The following RBFOX1 variants were observed in gnomAD, a reference collection of about 807,000 sequenced individuals.
RBFOX1 encodes RNA binding protein fox-1 homolog 1.
A neutral mutation model predicts 57.7 loss-of-function variants in RBFOX1; 8 were observed. The observed-to-expected ratio is 0.14, with a 90% CI of 0.08 to 0.25. RBFOX1 has a LOEUF of 0.25. Ranked by LOEUF, RBFOX1 falls within the 10% of genes least tolerant of loss-of-function variation. The pLI, the probability that RBFOX1 is intolerant of heterozygous loss-of-function variation, is 1.00. For missense variants in RBFOX1, 611 were observed against 548.5 expected (o/e 1.11, Z -1.14); for synonymous variants, 326 against 222.4 (o/e 1.47, Z -4.15).
In RBFOX1 at chr16:6,783,746, C is replaced by G. The variant is rs76790730; in HGVS notation, c.-16+129096C>G. On this transcript the variant is annotated intron_variant, in intron 3 of 15. Coordinates refer to ENST00000550418, the MANE Select transcript of RBFOX1 (RefSeq NM_018723.4). ...TTGCTTTTACCAAGGAGCTTTAGAC[C>G]TTCAGGTAATTTCTTGCTGCACATT... Among the ~76,000 whole-genome samples the G allele has an allele frequency of 9.1e-3, 1,378 of 152,118 alleles. 26 individuals carry two copies. The highest frequency in any genetic ancestry group is 0.031 in the African/African-American group (1,297 of 41,500).
intron 4 of RBFOX1, among the ~76,000 whole-genome samples, chr16:5,868,137 T>C (rs965734943): frequency 1.3e-5 from 2 of 152,106 alleles, no homozygotes; most frequent in Non-Finnish European, 2.9e-5. Flanking sequence ...CCATTGGAAA[T>C]TGTCCATGTT....
rs551833453 is a variant in RBFOX1, at chr16:5,404,342, G to C, written c.220-62874G>C. ...CCTTCTGGGAGCATTGAACCTTATC[G>C]AATTAGCAGGAGTCCCTCCAAATGA... is the stretch of plus-strand genomic sequence containing the variant. On this transcript the variant is annotated intron_variant, in intron 1 of 2. Transcript: ENST00000585867. Among the ~76,000 whole-genome samples, 6 of 152,196 alleles carry C rather than the reference G, an allele frequency of 3.9e-5. No individual in the cohort carries two copies. In the South Asian group the frequency reaches 1.3e-3, roughly 32 times the overall value.
At chr16:7,310,129 C>A (rs866274291) in intron 4 of RBFOX1, among the ~76,000 whole-genome samples, 81 of 152,162 alleles carry the variant, frequency 5.3e-4, no homozygotes, top group African/African-American at 1.9e-3. Flanking sequence ...GAGCCCTGGC[C>A]CTGGCCCTTT....
chr16:6,142,638 G>C (rs1046063978), intron 1 of RBFOX1, among the ~76,000 whole-genome samples: 2 of 151,828 alleles, frequency 1.3e-5, no homozygotes, highest in Admixed American at 1.3e-4. Context: ...GCCAGAAACA[G>C]AGTGAGTACT....
At chr16:5,582,808 G>T (rs781343524) in intron 2 of RBFOX1, among the ~76,000 whole-genome samples, 2 of 152,092 alleles carry the variant, frequency 1.3e-5, no homozygotes, top group African/African-American at 2.4e-5. Context: ...TATCAGTTCA[G>T]CCCCAAGTGC....
At chr16:6,940,115 C>A (rs992332112) in intron 3 of RBFOX1, among the ~76,000 whole-genome samples, 10 of 152,072 alleles carry the variant, frequency 6.6e-5, no homozygotes, top group African/African-American at 2.2e-4. Flanking sequence ...TCACTTGAAC[C>A]CAGGAGGCGG....
chr16:5,932,759 C>T (rs986815506), intron 4 of RBFOX1, among the ~76,000 whole-genome samples: 3 of 152,124 alleles, frequency 2.0e-5, no homozygotes, highest in Admixed American at 1.3e-4. Flanking sequence ...TCTCTATAAA[C>T]GTGGGATGCT....
At chr16:5,339,470 G>GTTTTTTTTTT (rs560472298) in intron 1 of RBFOX1, among the ~76,000 whole-genome samples, 991 of 40,876 alleles carry the variant, frequency 0.024, 322 homozygotes, top group Middle Eastern at 0.12. Flanking sequence ...CTTTTTCCGT[G>GTTTTTTTTTT]TTTTTTTTTT....
intron 4 of RBFOX1, among the ~76,000 whole-genome samples, chr16:6,000,676 G>C (rs1487425073): frequency 6.6e-6 from 1 of 151,794 alleles, no homozygotes; most frequent in Non-Finnish European, 1.5e-5. Context: ...TAGATGAATG[G>C]GTGACTAGGT....
intron 4 of RBFOX1, among the ~76,000 whole-genome samples, chr16:7,364,580 A>C (rs2146897061): frequency 6.6e-6 from 1 of 150,850 alleles, no homozygotes; most frequent in African/African-American, 2.5e-5. Flanking sequence ...AAGACCAAAA[A>C]AAAAAAAAAC....
intron 3 of RBFOX1, among the ~76,000 whole-genome samples, chr16:5,867,024 C>A (rs1269608609): frequency 6.6e-6 from 1 of 152,136 alleles, no homozygotes; most frequent in African/African-American, 2.4e-5. Context: ...TTGCTCACAG[C>A]CCTCCCCACT....
At chr16:5,657,086 A>T (rs1207264226) in intron 3 of RBFOX1, among the ~76,000 whole-genome samples, 1 of 152,140 alleles carries the variant, frequency 6.6e-6, no homozygotes, top group Non-Finnish European at 1.5e-5. Flanking sequence ...GTATCCCAGA[A>T]CTTAAAGTAA....
At chr16:6,779,283 C>G (rs1047050865) in intron 3 of RBFOX1, among the ~76,000 whole-genome samples, 1 of 152,006 alleles carries the variant, frequency 6.6e-6, no homozygotes, top group African/African-American at 2.4e-5. Context: ...CTTTCTGTGC[C>G]TGGCTTATTT....
At chr16:6,202,163 G>C (rs2097219652) in intron 1 of RBFOX1, among the ~76,000 whole-genome samples, 1 of 152,174 alleles carries the variant, frequency 6.6e-6, no homozygotes, top group African/African-American at 2.4e-5. Context: ...ACTTCCTAGG[G>C]AAGGGTATGT....
At chr16:5,949,320 A>C (rs767946565) in intron 4 of RBFOX1, among the ~76,000 whole-genome samples, 1 of 152,012 alleles carries the variant, frequency 6.6e-6, no homozygotes, top group African/African-American at 2.4e-5. Context: ...AGGTCAGGAG[A>C]TCGAGACCAT....
At chr16:7,388,269 G>A (rs1329860911) in intron 4 of RBFOX1, among the ~76,000 whole-genome samples, 4 of 152,058 alleles carry the variant, frequency 2.6e-5, no homozygotes, top group South Asian at 2.1e-4. Flanking sequence ...TGATGTGTTC[G>A]GGAAAATCCT....
At chr16:6,948,375 CTTTTT>C (rs968186299) in intron 3 of RBFOX1, among the ~76,000 whole-genome samples, 2 of 67,964 alleles carry the variant, frequency 2.9e-5, no homozygotes, top group South Asian at 5.2e-4. Flanking sequence ...TTCTCCCTTT[CTTTTT>C]TTTTTTTTTT....
chr16:6,656,601 C>CAA (rs2098654401), intron 3 of RBFOX1, among the ~76,000 whole-genome samples: 1 of 121,114 alleles, frequency 8.3e-6, no homozygotes, highest in Admixed American at 7.9e-5. Context: ...GGAAAATAGA[C>CAA]ACACACACAC....
intron 2 of RBFOX1, among the ~76,000 whole-genome samples, chr16:6,560,560 A>G (rs1356226914): frequency 1.3e-5 from 2 of 152,134 alleles, no homozygotes; most frequent in Middle Eastern, 3.2e-3. Flanking sequence ...ATAGCAGGGA[A>G]TGAGTTGAGG....
Sources: gnomAD v4.1 joint callset for allele counts (sites outside exome capture counted in the v4.1 genomes callset) on GRCh38, gnomAD v4.1.1 for gene constraint, MANE v1.5 for transcripts, NCBI Gene and HGNC (gene_info 2026-07-23, HGNC 2026-07-21) for gene names.